Variants in DGKB observed in about 807,000 individuals in gnomAD.
The protein encoded by DGKB is 90 kDa diacylglycerol kinase.
In DGKB, 67 loss-of-function variants were observed where a neutral mutation model predicts 114.3. The ratio of observed to expected loss-of-function variants is 0.59; its 90% CI spans 0.48 to 0.72. The LOEUF is 0.72. Among genes scored for constraint, DGKB ranks in the 30% least tolerant of loss-of-function variants. The pLI is 0.00. For missense variants in DGKB, 907 were observed against 975.2 expected, an observed-to-expected ratio of 0.93 and a Z score of 0.93; for synonymous variants, 398 against 323.1, an observed-to-expected ratio of 1.23 and a Z score of -2.49.
chr7:14,554,702 T>C (rs1319380671), intron 20 of DGKB, among the ~76,000 whole-genome samples: 2 of 152,158 alleles, frequency 1.3e-5, no homozygotes, highest in East Asian at 1.9e-4. Flanking sequence ...TATTGACTGA[T>C]AGAGATCATC....
rs566341953 is a variant in DGKB at position 14,623,473 on chromosome 7, A to G, written c.1168-1979T>C. ...TTAAGTATAATCACCCTTCTCTGCT[A>G]TCAAGCATTGAATTTATTCCTAGAA... On this transcript the variant is annotated intron_variant, in intron 14 of 25. Transcript: ENST00000402815. Among the ~76,000 whole-genome samples the G allele has an allele frequency of 2.0e-4, 31 of 152,328 alleles. 1 individual carries two copies. Among genetic ancestry groups the G allele is most frequent in the East Asian group, 1.7e-3 (9 of 5,190 alleles).
In DGKB at chr7:14,366,861, T is replaced by C. The variant is rs1816762132; in HGVS notation, c.1836-21470A>G. Among the ~76,000 whole-genome samples, 3 of 152,158 alleles carry C rather than the reference T, an allele frequency of 2.0e-5. No homozygotes were observed. In the South Asian group the frequency reaches 6.2e-4, roughly 32 times the overall value. On this transcript the variant is annotated intron_variant, in intron 21 of 25. Coordinates refer to ENST00000402815, the MANE Select transcript of DGKB (RefSeq NM_001350709.2). ...ACGTTCTTAATTATATACTTTATTG[T>C]GTCAAAATTGTAGAAAATTAATTAA...
At chr7:14,218,405 T>C (rs1248024280) in intron 23 of DGKB, among the ~76,000 whole-genome samples, 1 of 152,112 alleles carries the variant, frequency 6.6e-6, no homozygotes, top group Non-Finnish European at 1.5e-5. Context: ...AAGCATTCAA[T>C]AGTTAAATAA....
At chr7:14,176,624 A>G in intron 25 of DGKB, 1 of 1,290,104 alleles carries the variant, frequency 7.8e-7, no homozygotes, top group Non-Finnish European at 9.8e-7. Flanking sequence ...TACTTAGGCT[A>G]ACACAAACAT....
At chr7:14,681,227 A>C (rs1431603755) in intron 12 of DGKB, among the ~76,000 whole-genome samples, 2 of 152,066 alleles carry the variant, frequency 1.3e-5, no homozygotes, top group African/African-American at 4.8e-5. Context: ...AATTTGAATC[A>C]TCGTTAGACA....
chr7:14,475,327 T>C (rs1006664075), intron 21 of DGKB, among the ~76,000 whole-genome samples: 1 of 152,162 alleles, frequency 6.6e-6, no homozygotes, highest in African/African-American at 2.4e-5. Context: ...ATTGTAAGTA[T>C]GAAATTGCTT....
intron 1 of DGKB, among the ~76,000 whole-genome samples, chr7:14,852,333 A>G (rs1448279728): frequency 4.0e-5 from 6 of 151,598 alleles, no homozygotes; most frequent in African/African-American, 1.5e-4. Context: ...TACCATTCTT[A>G]CATTATATAG....
intron 23 of DGKB, among the ~76,000 whole-genome samples, chr7:14,227,079 C>T (rs1315419899): frequency 6.6e-6 from 1 of 151,944 alleles, no homozygotes; most frequent in East Asian, 1.9e-4. Flanking sequence ...AGAAAGCTGC[C>T]ATCCAGAAAG....
At chr7:14,238,605 T>C (rs1027552473) in intron 23 of DGKB, among the ~76,000 whole-genome samples, 1 of 151,892 alleles carries the variant, frequency 6.6e-6, no homozygotes, top group Non-Finnish European at 1.5e-5. Context: ...GCAATGATCG[T>C]AGCAAATCAT....
chr7:14,780,839 G>A (rs1838977025), intron 2 of DGKB, among the ~76,000 whole-genome samples: 1 of 152,072 alleles, frequency 6.6e-6, no homozygotes, highest in African/African-American at 2.4e-5. Context: ...TTTCTGAGAA[G>A]GCTTGCTATT....
rs190180845 is a variant in DGKB, at chr7:14,201,278, A to G, written c.2123-23127T>C. 9.9e-5 allele frequency among the ~76,000 whole-genome samples: 15 copies of G among 151,668 alleles called. No individual in the cohort carries two copies. In the East Asian group the frequency reaches 2.9e-3, roughly 30 times the overall value. On this transcript the variant is annotated intron_variant, in intron 23 of 25. Coordinates refer to ENST00000402815, the MANE Select transcript of DGKB (RefSeq NM_001350709.2). The stretch of plus-strand genomic sequence containing the variant: ...TGGCACCACCCTCATAACTTAATCA[A>G]CTCCCAAAGGTCTCACTCCTAGTAA...
intron 23 of DGKB, among the ~76,000 whole-genome samples, chr7:14,279,005 C>T (rs1040795384): frequency 1.3e-5 from 2 of 152,060 alleles, no homozygotes; most frequent in Admixed American, 6.6e-5. Context: ...AGACAGTGGG[C>T]GCAGGTCAGT....
At chr7:14,964,056 T>C (rs1182172082) in intron 1 of DGKB, among the ~76,000 whole-genome samples, 1 of 152,070 alleles carries the variant, frequency 6.6e-6, no homozygotes, top group African/African-American at 2.4e-5. Flanking sequence ...AGTTTGGGAA[T>C]AGGGAGAGGT....
chr7:14,823,012 T>C (rs1372065268), intron 2 of DGKB, among the ~76,000 whole-genome samples: 1 of 151,952 alleles, frequency 6.6e-6, no homozygotes, highest in Non-Finnish European at 1.5e-5. Flanking sequence ...ATTTACCTAT[T>C]CTATTGTAAA....
At chr7:14,828,912 C>G (rs1846053919) in intron 2 of DGKB, among the ~76,000 whole-genome samples, 1 of 151,988 alleles carries the variant, frequency 6.6e-6, no homozygotes, top group African/African-American at 2.4e-5. Flanking sequence ...CTGAAGTTGC[C>G]AGAGGAGATC....
At chr7:14,400,176 T>C (rs1475402488) in intron 21 of DGKB, among the ~76,000 whole-genome samples, 4 of 151,858 alleles carry the variant, frequency 2.6e-5, no homozygotes, top group African/African-American at 9.7e-5. Context: ...GTAAGGACCA[T>C]GATTTCATTT....
chr7:14,173,067 T>C (rs188560739), intron 25 of DGKB, among the ~76,000 whole-genome samples: 8 of 152,308 alleles, frequency 5.3e-5, no homozygotes, highest in Middle Eastern at 3.4e-3. Context: ...ATGCTTATTA[T>C]CACAAGCAAT....
intron 1 of DGKB, among the ~76,000 whole-genome samples, chr7:14,941,977 A>G (rs1785593215): frequency 6.6e-6 from 1 of 152,106 alleles, no homozygotes; most frequent in Admixed American, 6.6e-5. Flanking sequence ...TTATTGGTTC[A>G]TAAACCTATC....
At chr7:14,249,609 A>G (rs1288392145) in intron 23 of DGKB, among the ~76,000 whole-genome samples, 2 of 152,116 alleles carry the variant, frequency 1.3e-5, no homozygotes, top group African/African-American at 2.4e-5. Flanking sequence ...TTTCAAGGTT[A>G]TCTAATTTGT....
Sources: allele counts gnomAD v4.1 joint callset (sites outside exome capture counted in the v4.1 genomes callset), GRCh38; gene constraint gnomAD v4.1.1; transcripts MANE v1.5; gene names NCBI Gene and HGNC (gene_info 2026-07-23, HGNC 2026-07-21).